BRF1: variants seen among roughly 807,000 people sequenced by gnomAD.
The protein encoded by BRF1 is BRF1 general transcription factor IIIB subunit, also known as transcription factor IIIB 90 kDa subunit.
BRF1 carries 59 observed loss-of-function variants against 81.7 expected under a neutral mutation model. That is an observed-to-expected ratio of 0.72 (90% CI 0.59 to 0.90). BRF1 has a LOEUF of 0.90. Ranked by LOEUF, BRF1 falls within the 40% of genes least tolerant of loss-of-function variation. BRF1 has a pLI of 0.00. For synonymous variants in BRF1, 491 were observed against 395.6 expected, an observed-to-expected ratio of 1.24 and a Z score of -2.86; for missense variants, 1,050 against 936.3, an observed-to-expected ratio of 1.12 and a Z score of -1.58.
At chr14:105,261,504 G>A (rs1265157661) in intron 3 of BRF1, among the ~76,000 whole-genome samples, 3 of 152,218 alleles carry the variant, frequency 2.0e-5, no homozygotes, top group Admixed American at 6.5e-5. Flanking sequence ...CACCCTGGCT[G>A]GCTGCACGAT....
At chr14:105,221,052 A>G (rs757935908) in intron 11 of BRF1, among the ~76,000 whole-genome samples, 23 of 152,220 alleles carry the variant, frequency 1.5e-4, no homozygotes, top group African/African-American at 4.8e-5. Flanking sequence ...CTCCTCACAC[A>G]GAGGCCAGGC....
rs587720186 is a variant in BRF1 at position 105,223,679 on chromosome 14, G to A, written c.1049-1765C>T. Among the ~76,000 whole-genome samples, 19 of 152,338 alleles carry A rather than the reference G, an allele frequency of 1.2e-4. No individual in the cohort carries two copies. The East Asian group carries it at 3.7e-3, about 29-fold the overall frequency. On this transcript the variant is annotated intron_variant, in intron 10 of 17. Transcript: ENST00000547530. The stretch of plus-strand genomic sequence containing the variant: ...TGACCAAGGGCCTGTGGACCCCGTG[G>A]GAGCCACAGATCTGTGGGTCTTCTT...
At chr14:105,249,769 C>T (rs1469606725) in intron 5 of BRF1, 1 of 1,613,872 alleles carries the variant, frequency 6.2e-7, no homozygotes, top group East Asian at 2.2e-5. Flanking sequence ...GTTTGGAAGC[C>T]AAGAACGCCT....
intron 1 of BRF1, among the ~76,000 whole-genome samples, chr14:105,310,295 T>C (rs1490537282): frequency 5.4e-5 from 8 of 149,194 alleles, no homozygotes; most frequent in African/African-American, 1.5e-4. Context: ...CTTTGGGAGG[T>C]CGAGGCGGGC....
intron 3 of BRF1, among the ~76,000 whole-genome samples, chr14:105,264,425 G>C (rs1165817053): frequency 6.6e-6 from 1 of 151,874 alleles, no homozygotes; most frequent in East Asian, 1.9e-4. Flanking sequence ...AGCACTTTGG[G>C]AGGCCGAGGT....
chr14:105,213,935 C>T (rs1484578238), intron 15 of BRF1, among the ~76,000 whole-genome samples: 3 of 152,202 alleles, frequency 2.0e-5, no homozygotes, highest in South Asian at 2.1e-4. Flanking sequence ...CCAGGCCACA[C>T]GGGAGGGCCT....
intron 5 of BRF1, chr14:105,247,532 A>C: frequency 9.1e-6 from 9 of 985,196 alleles, no homozygotes; most frequent in Non-Finnish European, 1.1e-5. Context: ...AAAATACCGC[A>C]AATATCTTCT....
At chr14:105,302,204 C>CT (rs1274491955), upstream of BRF1, among the ~76,000 whole-genome samples, 3,373 of 132,742 alleles carry the variant, frequency 0.025, 91 homozygotes, top group African/African-American at 0.063. Flanking sequence ...TTTTTTCTTT[C>CT]TTTTTTTTTT....
At chr14:105,227,069 T>C (rs1335974511) in intron 7 of BRF1, 7 of 323,432 alleles carry the variant, frequency 2.2e-5, no homozygotes, top group East Asian at 9.0e-5. Context: ...CGAGCTGTGA[T>C]AGCGCCACTG....
Position 105,210,579 on chromosome 14 carries a change from C to T in BRF1, c.2006G>A (p.Cys669Tyr). 2 of 1,611,894 alleles carry T rather than the reference C, an allele frequency of 1.2e-6. No individual in the cohort carries two copies. Among genetic ancestry groups the T allele is most frequent in the Non-Finnish European group, 1.7e-6 (2 of 1,179,906 alleles). Residue 669 changes from cysteine (C) to tyrosine (Y), a missense_variant, in exon 18 of 18, where the codon TGT becomes TAT. Around this residue, in one of 2 missense-constraint regions of BRF1, gnomAD observed 1,043 missense variants for 915.4 expected, o/e 1.14. Coordinates refer to ENST00000547530, the MANE Select transcript of BRF1 (RefSeq NM_001519.4). The surrounding 1 kb of genome is among the most constrained non-coding windows in gnomAD (Gnocchi z 4.7). ...GTAGCCGTCGTCCTCATCGCCATCA[C>T]AGCCATAGTCTGCAGAAGAGCACAG... ...LQMMGSNDYG[C>Y]DGDEDDGY
upstream of BRF1, among the ~76,000 whole-genome samples, chr14:105,302,928 G>T (rs141869986): frequency 6.7e-6 from 1 of 148,154 alleles, no homozygotes; most frequent in Non-Finnish European, 1.5e-5. Context: ...ACTGCTCCCC[G>T]CCCTTTCTCT....
chr14:105,291,397 C>A (rs180839494), intron 1 of BRF1, among the ~76,000 whole-genome samples: 5 of 152,208 alleles, frequency 3.3e-5, no homozygotes, highest in African/African-American at 1.2e-4. Context: ...TAACTGGGGG[C>A]GGGCTCAGTG....
chr14:105,248,963 G>A (rs1222808134), intron 5 of BRF1: 96 of 980,838 alleles, frequency 9.8e-5, no homozygotes, highest in Non-Finnish European at 1.1e-4. Flanking sequence ...AGGCCGGGCC[G>A]CGCAGCCCGC....
intron 1 of BRF1, among the ~76,000 whole-genome samples, chr14:105,311,367 C>T (rs1283616688): frequency 6.6e-6 from 1 of 152,160 alleles, no homozygotes; most frequent in Non-Finnish European, 1.5e-5. Context: ...GATTCTCCCA[C>T]CTCAGCTTCC....
chr14:105,211,898 A>G, intron 16 of BRF1: 1 of 647,208 alleles, frequency 1.5e-6, no homozygotes, highest in African/African-American at 1.8e-5. Context: ...CAGGCACACA[A>G]CGGTCCCCAC....
upstream of BRF1, among the ~76,000 whole-genome samples, chr14:105,305,311 A>G (rs1227699796): frequency 6.6e-6 from 1 of 152,162 alleles, no homozygotes; most frequent in Non-Finnish European, 1.5e-5. Flanking sequence ...CTGAGGTAGG[A>G]GGATTGCTTG....
intron 4 of BRF1, among the ~76,000 whole-genome samples, chr14:105,254,046 T>A (rs1338781747): frequency 6.6e-6 from 1 of 152,164 alleles, no homozygotes; most frequent in East Asian, 1.9e-4. Context: ...ATCGTCCTGA[T>A]CCCACCATCT....
Position 105,289,887 on chromosome 14 carries a change from C to A in BRF1, c.185-3511G>T, listed in dbSNP as rs140884366. On this transcript the variant is annotated intron_variant, in intron 1 of 17. Transcript: ENST00000547530. ...CCGACCTCAAGTGATCCACCCACCTCGGCCTCCCAAAGTGCTGGGATTACA... is the reference window on the plus strand; with the variant it reads ...CCGACCTCAAGTGATCCACCCACCTAGGCCTCCCAAAGTGCTGGGATTACA... 3.8e-3 allele frequency among the ~76,000 whole-genome samples: 574 copies of A among 152,144 alleles called. 1 individual carries two copies. Among genetic ancestry groups the A allele is most frequent in the African/African-American group, 0.013 (551 of 41,536 alleles).
At chr14:105,244,136 C>A (rs954876650) in intron 5 of BRF1, among the ~76,000 whole-genome samples, 2 of 150,884 alleles carry the variant, frequency 1.3e-5, no homozygotes, top group Non-Finnish European at 2.9e-5. Flanking sequence ...CAGCAAGACC[C>A]CATCTCTTAA....
Sources: allele counts gnomAD v4.1 joint callset (sites outside exome capture counted in the v4.1 genomes callset), GRCh38; gene constraint gnomAD v4.1.1; regional missense constraint gnomAD v4.1.1; non-coding constraint Gnocchi (gnomAD v3.1); transcripts MANE v1.5; gene names NCBI Gene and HGNC (gene_info 2026-07-23, HGNC 2026-07-21).